STRADB: variants seen among roughly 807,000 people sequenced by gnomAD.
STRADB encodes STE20 related adaptor beta.
In STRADB, 34 loss-of-function variants were observed where a neutral mutation model predicts 52.1. The observed-to-expected ratio is 0.65, with a 90% CI of 0.50 to 0.87. STRADB has a LOEUF of 0.87. STRADB is among the 40% of genes least tolerant of loss of function. The pLI is 0.00. For synonymous variants in STRADB, 133 were observed against 174.5 expected (o/e 0.76, Z 1.87); for missense variants, 340 against 483.9 (o/e 0.70, Z 2.79).
chr2:201,451,870 C>G lies in STRADB; in HGVS notation c.-164C>G, dbSNP rs1231217374. ...TCGCCTCGCCCCTCCGCGAGCAGGGCTCTGGCGCCCGCCCCTGTCCGCACC... is the reference window on the plus strand; with the variant it reads ...TCGCCTCGCCCCTCCGCGAGCAGGGGTCTGGCGCCCGCCCCTGTCCGCACC... On this transcript the variant is annotated 5_prime_UTR_variant, in exon 1 of 12. Coordinates refer to ENST00000194530, the MANE Select transcript of STRADB (RefSeq NM_018571.6). 1 of 152,236 alleles carries G rather than the reference C, an allele frequency of 6.6e-6. No homozygotes were observed. Among genetic ancestry groups the G allele is most frequent in the African/African-American group, 2.4e-5 (1 of 41,418 alleles). The allele number at this position is 152,236 out of a possible 1,614,324, so 9.4% of individuals were successfully genotyped here.
chr2:201,462,528 T>G (rs1952232026), intron 3 of STRADB, among the ~76,000 whole-genome samples: 1 of 152,184 alleles, frequency 6.6e-6, no homozygotes, highest in Non-Finnish European at 1.5e-5. Context: ...AGTTTCTTGT[T>G]TTTTATTTTG....
At chr2:201,472,722 T>C (rs1952409763) in intron 4 of STRADB, 1 of 313,578 alleles carries the variant, frequency 3.2e-6, no homozygotes, top group Admixed American at 4.8e-5. Flanking sequence ...CATCTTTTCA[T>C]AGGCATATTG....
intron 3 of STRADB, among the ~76,000 whole-genome samples, chr2:201,461,243 C>T (rs1043292869): frequency 2.6e-5 from 4 of 152,118 alleles, no homozygotes; most frequent in Non-Finnish European, 5.9e-5. Flanking sequence ...AGCTGCACTG[C>T]AGTGGTGTAA....
rs764314289 is a variant in STRADB at position 201,479,454 on chromosome 2, AGG to A, written c.1071-34_1071-33del. On this transcript the variant is annotated intron_variant, in intron 10 of 11. Coordinates refer to ENST00000194530, the MANE Select transcript of STRADB (RefSeq NM_018571.6). ...ACCTGAAATCTACATTCTAATATAAAGGTTTTTTTTTTATAACTTTCTTAAAA... is the reference window on the plus strand; with the variant it reads ...ACCTGAAATCTACATTCTAATATAAATTTTTTTTTTATAACTTTCTTAAAA... 2.8e-6 allele frequency: 4 copies of A among 1,443,080 alleles called. No homozygotes were observed. The South Asian group carries it at 5.0e-5, about 18-fold the overall frequency. The allele number at this position is 1,443,080 out of a possible 1,614,324, so 89.4% of individuals were successfully genotyped here. A position where few individuals can be genotyped will look rare whatever the true frequency, so the allele number is the denominator to read the frequency against.
At chr2:201,453,810 C>T (rs1343489565) in intron 1 of STRADB, among the ~76,000 whole-genome samples, 1 of 152,198 alleles carries the variant, frequency 6.6e-6, no homozygotes, top group Non-Finnish European at 1.5e-5. Flanking sequence ...TTTTGCAGCA[C>T]AGCAAACTCC....
intron 3 of STRADB, among the ~76,000 whole-genome samples, chr2:201,463,662 C>T (rs1226676313): frequency 6.6e-6 from 1 of 151,962 alleles, no homozygotes; most frequent in Non-Finnish European, 1.5e-5. Flanking sequence ...TGTTATTATC[C>T]CTTTGAATAA....
intron 2 of STRADB, among the ~76,000 whole-genome samples, chr2:201,458,136 T>C (rs1054274766): frequency 8.5e-5 from 13 of 152,266 alleles, no homozygotes; most frequent in African/African-American, 2.9e-4. Context: ...CTAAATAGTA[T>C]GTCAGCTTCA....
intron 3 of STRADB, among the ~76,000 whole-genome samples, chr2:201,466,642 T>C (rs958092787): frequency 2.0e-5 from 3 of 152,226 alleles, no homozygotes; most frequent in Non-Finnish European, 2.9e-5. Flanking sequence ...CCAAGTGATT[T>C]ATGTCTCCTA....
chr2:201,477,670 C>T lies in STRADB; in HGVS notation c.600C>T (p.Leu200=), dbSNP rs576911035. Residue 200 remains leucine (L), a synonymous_variant, in exon 8 of 12, where the codon CTC becomes CTT. Coordinates refer to ENST00000194530, the MANE Select transcript of STRADB (RefSeq NM_018571.6). ...TTTCTGGTGATGGCCTAGTGACCCTCTCTGGCCTGTCCCATCTGCATAGTT... is the reference window on the plus strand; with the variant it reads ...TTTCTGGTGATGGCCTAGTGACCCTTTCTGGCCTGTCCCATCTGCATAGTT... ...ILISGDGLVT[L]SGLSHLHSLV... is the part of the protein sequence containing the mutation. The T allele has an allele frequency of 5.0e-6, 8 of 1,612,642 alleles. No individual in the cohort carries two copies. The highest frequency in any genetic ancestry group is 4.5e-5 in the East Asian group (2 of 44,796).
intron 2 of STRADB, among the ~76,000 whole-genome samples, chr2:201,457,051 A>G (rs1952138857): frequency 6.6e-6 from 1 of 152,230 alleles, no homozygotes; most frequent in African/African-American, 2.4e-5. Context: ...TGTTCAGCAT[A>G]AACTGTATTA....
At chr2:201,453,894 A>G (rs1288298594) in intron 1 of STRADB, among the ~76,000 whole-genome samples, 2 of 152,132 alleles carry the variant, frequency 1.3e-5, no homozygotes, top group African/African-American at 4.8e-5. Flanking sequence ...CTTCCTCCCA[A>G]TCTCTACCTT....
rs61742622 is a variant in STRADB, at chr2:201,475,734, T to C, written c.540T>C (p.Cys180=). ...TGAACTATCTGCACCAAAATGGCTG[T>C]ATTCACAGGTATTTACTTATTTGTA... ...RGLNYLHQNG[C]IHRSIKASHI... is the part of the protein sequence containing the mutation. Residue 180 remains cysteine, a synonymous_variant, in exon 7 of 12, where the codon TGT becomes TGC. Coordinates refer to ENST00000194530, the MANE Select transcript of STRADB (RefSeq NM_018571.6). 4.6e-4 allele frequency: 735 copies of C among 1,604,532 alleles called. 4 individuals are homozygous for C. In the African/African-American group the frequency reaches 8.2e-3, roughly 18 times the overall value.
chr2:201,463,441 C>G (rs1236174728), intron 3 of STRADB, among the ~76,000 whole-genome samples: 1 of 151,976 alleles, frequency 6.6e-6, no homozygotes, highest in East Asian at 1.9e-4. Context: ...TATTGGAGCC[C>G]CTTTATATGT....
Position 201,470,402 on chromosome 2 carries a change from T to A in STRADB, c.193+350T>A, listed in dbSNP as rs78104748. Among the ~76,000 whole-genome samples the A allele has an allele frequency of 7.0e-4, 106 of 152,384 alleles. 1 individual carries two copies. The East Asian group carries it at 0.014, about 20-fold the overall frequency. On this transcript the variant is annotated intron_variant, in intron 4 of 11. Transcript: ENST00000194530. ...GTCATCTAAATCTTTTCAGTCACAA[T>A]CCTTTAAATTGCTTCTCAGTTTAAA...
intron 1 of STRADB, 39 bp from the exon 2 acceptor site, chr2:201,454,707 T>C: frequency 1.2e-6 from 1 of 837,228 alleles, no homozygotes; most frequent in Middle Eastern, 3.8e-4. Flanking sequence ...TAAGGAACTT[T>C]TATGTGAATC....
chr2:201,479,885 G>C, intron 11 of STRADB, 147 bp from the exon 12 acceptor site: 1 of 939,062 alleles, frequency 1.1e-6, no homozygotes, highest in Non-Finnish European at 1.6e-6. Flanking sequence ...GTTTTCAGAT[G>C]ACCAGAATCA....
At chr2:201,459,947 T>C (rs1952188331) in intron 3 of STRADB, among the ~76,000 whole-genome samples, 1 of 152,222 alleles carries the variant, frequency 6.6e-6, no homozygotes, top group Non-Finnish European at 1.5e-5. Flanking sequence ...ACACTTTTTA[T>C]TTGGTTCTGC....
intron 3 of STRADB, among the ~76,000 whole-genome samples, chr2:201,461,211 A>T (rs1952210307): frequency 6.6e-6 from 1 of 151,986 alleles, no homozygotes; most frequent in Non-Finnish European, 1.5e-5. Context: ...TTTTTTAGAG[A>T]TGGCATCTTG....
intron 3 of STRADB, 70 bp from the exon 4 acceptor site, chr2:201,469,883 G>A: frequency 9.1e-7 from 1 of 1,101,822 alleles, no homozygotes; most frequent in Non-Finnish European, 1.4e-6. Flanking sequence ...TATAACACCA[G>A]TGTTTTATAT....
Sources: gnomAD v4.1 joint callset for allele counts (sites outside exome capture counted in the v4.1 genomes callset) on GRCh38, gnomAD v4.1.1 for gene constraint, MANE v1.5 for transcripts, NCBI Gene and HGNC (gene_info 2026-07-23, HGNC 2026-07-21) for gene names.